The following ANKFN1 variants were observed in gnomAD, a reference collection of about 807,000 sequenced individuals.
The protein encoded by ANKFN1 is ankyrin repeat and fibronectin type-III domain-containing protein 1.
In ANKFN1, 74 loss-of-function variants were observed where a neutral mutation model predicts 108.7. The ratio of observed to expected loss-of-function variants is 0.68; its 90% confidence interval spans 0.56 to 0.83. ANKFN1 has a LOEUF of 0.83. Among genes scored for constraint, ANKFN1 ranks in the 40% least tolerant of loss-of-function variants. The pLI is 0.00. For missense variants in ANKFN1, 1,505 were observed against 1,382.3 expected (o/e 1.09, Z -1.41); for synonymous variants, 547 against 516.2 (o/e 1.06, Z -0.81).
chr17:56,453,490 G>T (rs2049566625), intron 11 of ANKFN1, among the ~76,000 whole-genome samples: 1 of 152,042 alleles, frequency 6.6e-6, no homozygotes, highest in Non-Finnish European at 1.5e-5. Context: ...TGTTTCTATT[G>T]CATCTTCTTA....
intron 3 of ANKFN1, among the ~76,000 whole-genome samples, chr17:56,229,250 T>C (rs1017756084): frequency 2.0e-5 from 3 of 152,282 alleles, no homozygotes; most frequent in South Asian, 4.1e-4. Context: ...CTGCATGCTA[T>C]GAATGTTTTA....
At chr17:56,122,511 C>G (rs2143302689) in intron 4 of ANKFN1, among the ~76,000 whole-genome samples, 1 of 152,248 alleles carries the variant, frequency 6.6e-6, no homozygotes, top group Admixed American at 6.5e-5. Context: ...TGTTAATAAG[C>G]ATGTGATATA....
chr17:56,186,748 G>C (rs1912247077), intron 1 of ANKFN1, among the ~76,000 whole-genome samples: 1 of 152,200 alleles, frequency 6.6e-6, no homozygotes, highest in Non-Finnish European at 1.5e-5. Context: ...CTTGCAAAAT[G>C]AGGAACTAGT....
At chr17:56,260,895 T>G (rs544801583) in intron 3 of ANKFN1, among the ~76,000 whole-genome samples, 90 of 152,266 alleles carry the variant, frequency 5.9e-4, no homozygotes, top group South Asian at 5.2e-3. Flanking sequence ...GAGGATTAAT[T>G]CCCAAATGAC....
At chr17:56,232,572 T>C (rs1426618599) in intron 3 of ANKFN1, among the ~76,000 whole-genome samples, 2 of 152,166 alleles carry the variant, frequency 1.3e-5, no homozygotes, top group African/African-American at 2.4e-5. Flanking sequence ...TTTTTGAATT[T>C]AAATTATTTT....
intron 14 of ANKFN1, chr17:56,462,140 G>A (rs1039815081): frequency 2.6e-5 from 4 of 152,140 alleles, no homozygotes; most frequent in African/African-American, 4.8e-5. Context: ...TCTGTACAGC[G>A]AAGATGTCTG....
chr17:56,406,601 C>A (rs1183110415), intron 8 of ANKFN1, among the ~76,000 whole-genome samples: 1 of 152,160 alleles, frequency 6.6e-6, no homozygotes, highest in Non-Finnish European at 1.5e-5. Flanking sequence ...ATATGTGACA[C>A]ATGCAGTTAA....
intron 1 of ANKFN1, among the ~76,000 whole-genome samples, chr17:56,178,399 GAT>G (rs375172894): frequency 2.2e-4 from 34 of 152,338 alleles, no homozygotes; most frequent in African/African-American, 7.9e-4. Flanking sequence ...TAATTTTGCT[GAT>G]GTAAACACAT....
At chr17:56,198,699 A>G (rs1433310898) in intron 1 of ANKFN1, among the ~76,000 whole-genome samples, 1 of 152,174 alleles carries the variant, frequency 6.6e-6, no homozygotes, top group Non-Finnish European at 1.5e-5. Context: ...TCAACTATTT[A>G]TAACGCCTTT....
chr17:56,305,415 C>A (rs1338690913), intron 3 of ANKFN1, among the ~76,000 whole-genome samples: 5 of 152,132 alleles, frequency 3.3e-5, no homozygotes, highest in Non-Finnish European at 7.4e-5. Context: ...ATTTCAAATG[C>A]TGATTTCATT....
chr17:56,345,305 G>T (rs566719445), intron 4 of ANKFN1, among the ~76,000 whole-genome samples: 1 of 152,240 alleles, frequency 6.6e-6, no homozygotes, highest in East Asian at 1.9e-4. Context: ...ATGGGCATTT[G>T]GGTTGGTTCC....
intron 8 of ANKFN1, among the ~76,000 whole-genome samples, chr17:56,411,586 T>C (rs917091843): frequency 1.3e-5 from 2 of 152,352 alleles, no homozygotes; most frequent in East Asian, 1.9e-4. Context: ...GAAAAAGCTT[T>C]CAACTTTTTA....
In ANKFN1 at chr17:56,477,592, T is replaced by A; in HGVS notation, c.1878T>A (p.Val626=). The part of the protein sequence containing the change: ...CSSVDQIKVL[V]TQKLPNILCH... ...CTGTGGATCAAATCAAAGTTCTTGTTACCCAAAAGTTGCCCAACATTCTCT... is the reference window on the plus strand; with the variant it reads ...CTGTGGATCAAATCAAAGTTCTTGTAACCCAAAAGTTGCCCAACATTCTCT... The change falls in exon 16 of 21, where the codon GTT becomes GTA. Residue 626 remains valine, a synonymous_variant. Transcript: ENST00000682825. 1 of 1,613,958 alleles carries A rather than the reference T, an allele frequency of 6.2e-7. No homozygotes were observed. The highest frequency in any genetic ancestry group is 8.5e-7 in the Non-Finnish European group (1 of 1,179,910).
At chr17:56,307,381 GA>G (rs1196537134) in intron 3 of ANKFN1, among the ~76,000 whole-genome samples, 2 of 151,994 alleles carry the variant, frequency 1.3e-5, no homozygotes, top group African/African-American at 4.8e-5. Context: ...ACATTTACAA[GA>G]AAAAAACAAA....
intron 8 of ANKFN1, among the ~76,000 whole-genome samples, chr17:56,379,727 A>C (rs1408240551): frequency 6.6e-6 from 1 of 152,092 alleles, no homozygotes; most frequent in Non-Finnish European, 1.5e-5. Flanking sequence ...CTATTGATGG[A>C]TGTTGGTTGT....
At chr17:56,056,775 T>A (rs1050283723) in intron 4 of ANKFN1, among the ~76,000 whole-genome samples, 1 of 152,260 alleles carries the variant, frequency 6.6e-6, no homozygotes, top group African/African-American at 2.4e-5. Flanking sequence ...AAAGAATTTA[T>A]GATGAAGACT....
At chr17:56,296,385 T>C (rs2044510334) in intron 3 of ANKFN1, among the ~76,000 whole-genome samples, 1 of 152,100 alleles carries the variant, frequency 6.6e-6, no homozygotes, top group Non-Finnish European at 1.5e-5. Context: ...TAAAAGAAGC[T>C]GATTAAAAAG....
At chr17:56,423,288 G>A (rs1468794245) in intron 8 of ANKFN1, among the ~76,000 whole-genome samples, 1 of 152,184 alleles carries the variant, frequency 6.6e-6, no homozygotes, top group Admixed American at 6.5e-5. Flanking sequence ...TGAAGTCAGA[G>A]GTTGTATAGC....
intron 1 of ANKFN1, among the ~76,000 whole-genome samples, chr17:56,156,871 G>A (rs927833750): frequency 2.0e-5 from 3 of 152,182 alleles, no homozygotes; most frequent in African/African-American, 7.2e-5. Context: ...TCACACCAGG[G>A]CAGCAGAGTT....
Sources: gnomAD v4.1 joint callset for allele counts (sites outside exome capture counted in the v4.1 genomes callset) on GRCh38, gnomAD v4.1.1 for gene constraint, MANE v1.5 for transcripts, NCBI Gene and HGNC (gene_info 2026-07-23, HGNC 2026-07-21) for gene names.